Variants in PTPRE observed in about 807,000 individuals in gnomAD.
PTPRE encodes protein tyrosine phosphatase receptor type E.
Under a neutral mutation model 102.0 loss-of-function variants are expected in PTPRE, and 51 were observed. The ratio of observed to expected loss-of-function variants is 0.50; its 90% CI spans 0.40 to 0.63. The LOEUF is 0.63. Among genes scored for constraint, PTPRE ranks in the 30% least tolerant of loss-of-function variants. The pLI is 0.00. For missense variants in PTPRE, 752 were observed against 915.1 expected (o/e 0.82, Z 2.30); for synonymous variants, 345 against 348.2 (o/e 0.99, Z 0.10).
At chr10:127,937,343 C>T (rs191679818) in intron 1 of PTPRE, among the ~76,000 whole-genome samples, 75 of 152,286 alleles carry the variant, frequency 4.9e-4, no homozygotes, top group African/African-American at 1.7e-3. Context: ...TGTTGAAAAT[C>T]AGGTGATTTG....
chr10:128,002,887 G>T (rs573973400), intron 2 of PTPRE, among the ~76,000 whole-genome samples: 2 of 151,752 alleles, frequency 1.3e-5, no homozygotes, highest in South Asian at 4.2e-4. Context: ...TAAAGATGGG[G>T]TCTCACTTTG....
intron 10 of PTPRE, among the ~76,000 whole-genome samples, chr10:128,064,752 A>T (rs1419143050): frequency 6.6e-6 from 1 of 152,132 alleles, no homozygotes; most frequent in East Asian, 1.9e-4. Flanking sequence ...CCGCGTCCTC[A>T]TTCTCACCAA....
At chr10:127,974,985 A>G (rs1851037512) in intron 1 of PTPRE, among the ~76,000 whole-genome samples, 2 of 152,212 alleles carry the variant, frequency 1.3e-5, no homozygotes, top group Non-Finnish European at 2.9e-5. Context: ...GAAGACACAT[A>G]AAGATGGAAG....
rs1564915482 is a variant in PTPRE at position 128,040,997 on chromosome 10, AC to A, written c.109+11del. Reference sequence around the variant, plus strand: ...GAGACAACCACGACCTCAGGTAAGGACCCCTTTCCCTGGCTGCCTCCCCTAC... The same window carrying A: ...GAGACAACCACGACCTCAGGTAAGGACCCTTTCCCTGGCTGCCTCCCCTAC... On this transcript the variant is annotated splice_region_variant and intron_variant, in intron 3 of 20. Transcript: ENST00000254667. 6.2e-7 allele frequency: 1 copy of A among 1,612,708 alleles called. No homozygotes were observed. The highest frequency in any genetic ancestry group is 8.5e-7 in the Non-Finnish European group (1 of 1,179,298).
At chr10:127,979,308 G>T (rs1204862304) in intron 1 of PTPRE, among the ~76,000 whole-genome samples, 2 of 152,186 alleles carry the variant, frequency 1.3e-5, no homozygotes, top group African/African-American at 4.8e-5. Context: ...GCTTTTAAAT[G>T]TGCCTCTTTC....
At chr10:128,067,131 T>TCA (rs1002714929) in intron 11 of PTPRE, among the ~76,000 whole-genome samples, 1 of 116,940 alleles carries the variant, frequency 8.6e-6, no homozygotes, top group African/African-American at 3.1e-5. Flanking sequence ...GCATGCACGT[T>TCA]CACACACACA....
At chr10:127,964,333 C>A (rs968494144) in intron 1 of PTPRE, among the ~76,000 whole-genome samples, 2 of 152,090 alleles carry the variant, frequency 1.3e-5, no homozygotes, top group Non-Finnish European at 2.9e-5. Flanking sequence ...CCGCGCCCAG[C>A]TAGTTTTTGA....
chr10:128,080,177 TTAG>T (rs1412059906), intron 20 of PTPRE, among the ~76,000 whole-genome samples: 1 of 152,200 alleles, frequency 6.6e-6, no homozygotes, highest in East Asian at 1.9e-4. Flanking sequence ...CCCTAATGTA[TTAG>T]TAGTTTTCCC....
chr10:128,083,923 A>C lies in PTPRE; in HGVS notation c.*1017A>C, dbSNP rs2136103987. On this transcript the variant is annotated 3_prime_UTR_variant, in exon 21 of 21. Transcript: ENST00000254667. ...TTTTCTGAGCAGCATTTTGGTATTT[A>C]AACATTTCTTGTAAAAAGCTGAGAC... 6.6e-6 allele frequency: 1 copy of C among 152,386 alleles called. No individual in the cohort carries two copies. The highest frequency in any genetic ancestry group is 1.9e-4 in the East Asian group (1 of 5,196). 9.4% of individuals were successfully genotyped at this position (152,386 alleles called of 1,614,324 possible). A position where few individuals can be genotyped will look rare whatever the true frequency, so the allele number is the denominator to read the frequency against.
At chr10:127,997,900 A>T (rs1387571648) in intron 2 of PTPRE, among the ~76,000 whole-genome samples, 3 of 152,210 alleles carry the variant, frequency 2.0e-5, no homozygotes, top group Non-Finnish European at 4.4e-5. Context: ...TCACATTTAC[A>T]CCAGCAGACA....
intron 2 of PTPRE, among the ~76,000 whole-genome samples, chr10:128,002,144 G>T (rs574968799): frequency 6.6e-6 from 1 of 152,150 alleles, no homozygotes; most frequent in Non-Finnish European, 1.5e-5. Context: ...CTCAGCCGTC[G>T]CCCCCGCTGA....
intron 2 of PTPRE, among the ~76,000 whole-genome samples, chr10:127,993,295 C>T (rs115575896): frequency 2.0e-5 from 3 of 152,200 alleles, no homozygotes; most frequent in Non-Finnish European, 4.4e-5. Flanking sequence ...CCTGACAATT[C>T]GCGCTATCAG....
At chr10:127,939,276 T>C (rs1848051393) in intron 1 of PTPRE, among the ~76,000 whole-genome samples, 2 of 152,260 alleles carry the variant, frequency 1.3e-5, no homozygotes, top group African/African-American at 4.8e-5. Context: ...GAATTCATCT[T>C]GGAATCCTCT....
rs541917860 is a variant in PTPRE at position 128,047,800 on chromosome 10, C to A, written c.246C>A (p.Ser82Arg). 8.7e-6 allele frequency: 14 copies of A among 1,605,256 alleles called. No homozygotes were observed. In the Middle Eastern group the frequency reaches 5.0e-4, roughly 57 times the overall value. The change falls in exon 5 of 21, where the codon AGC (serine) becomes AGA (arginine). Residue 82 changes from serine to arginine, a missense_variant. By Grantham distance (110) the Ser-to-Arg change is moderately radical. Around this residue, in one of 2 missense-constraint regions of PTPRE, gnomAD observed 636 missense variants for 824.4 expected, o/e 0.77. Coordinates refer to ENST00000254667, the MANE Select transcript of PTPRE (RefSeq NM_006504.6). ...AGAGGAAAGCTGTGGTCAGCACCAG[C>A]GACAAGAAGATGCCCAACGGAATCT... ...RKQRKAVVST[S>R]DKKMPNGILE...
At chr10:128,022,309 C>G (rs1432138336) in intron 2 of PTPRE, among the ~76,000 whole-genome samples, 1 of 152,214 alleles carries the variant, frequency 6.6e-6, no homozygotes, top group Non-Finnish European at 1.5e-5. Flanking sequence ...AGTGAGGAAA[C>G]AAGGCAGGGC....
At chr10:127,952,909 G>C (rs1055541084) in intron 1 of PTPRE, among the ~76,000 whole-genome samples, 1 of 152,146 alleles carries the variant, frequency 6.6e-6, no homozygotes, top group Non-Finnish European at 1.5e-5. Context: ...ATCAGAGAAT[G>C]GGAAATAAAT....
At chr10:127,946,042 G>A (rs1020873243) in intron 1 of PTPRE, among the ~76,000 whole-genome samples, 1 of 152,080 alleles carries the variant, frequency 6.6e-6, no homozygotes, top group African/African-American at 2.4e-5. Flanking sequence ...GGTGAAGATG[G>A]GCCAGGAGTA....
intron 2 of PTPRE, among the ~76,000 whole-genome samples, chr10:127,993,886 C>T (rs1484942920): frequency 6.6e-6 from 1 of 152,022 alleles, no homozygotes; most frequent in Admixed American, 6.6e-5. Context: ...TCCATCCAGC[C>T]CCCATCCTCC....
rs374850058 is a variant in PTPRE, at chr10:128,020,812, T to A, written c.-7-20063T>A. On this transcript the variant is annotated intron_variant, in intron 2 of 20. Transcript: ENST00000254667. ...GGGTTTCCAGCGTGGGGCCCCATTG[T>A]GGGTGATGGAATTTAGAGGAAGCGG... Among the ~76,000 whole-genome samples, 23 of 152,084 alleles carry A rather than the reference T, an allele frequency of 1.5e-4. No individual in the cohort carries two copies. In the East Asian group the frequency reaches 4.3e-3, roughly 28 times the overall value.
Sources: gnomAD v4.1 joint callset for allele counts (sites outside exome capture counted in the v4.1 genomes callset) on GRCh38, gnomAD v4.1.1 for gene constraint, gnomAD v4.1.1 regional missense constraint, MANE v1.5 for transcripts, NCBI Gene and HGNC (gene_info 2026-07-23, HGNC 2026-07-21) for gene names.